The following THSD7B variants were observed in gnomAD, a reference collection of about 807,000 sequenced individuals.
The protein encoded by THSD7B is thrombospondin type-1 domain-containing protein 7B.
THSD7B carries 138 observed loss-of-function variants against 213.6 expected under a neutral mutation model. That is an observed-to-expected ratio of 0.65 (90% CI 0.56 to 0.74). THSD7B has a LOEUF of 0.74. THSD7B is among the 30% of genes least tolerant of loss of function. The pLI is 0.00. For missense variants in THSD7B, 1,931 were observed against 1,991.5 expected (o/e 0.97, Z 0.58); for synonymous variants, 742 against 687.0 (o/e 1.08, Z -1.25).
At chr2:136,812,850 G>A (rs919192442) in intron 1 of THSD7B, among the ~76,000 whole-genome samples, 6 of 152,094 alleles carry the variant, frequency 3.9e-5, no homozygotes, top group Non-Finnish European at 7.4e-5. Flanking sequence ...ATCTAATTCA[G>A]GATACCATTG....
chr2:137,203,370 A>T (rs1343994348), intron 7 of THSD7B, among the ~76,000 whole-genome samples: 1 of 152,058 alleles, frequency 6.6e-6, no homozygotes, highest in South Asian at 2.1e-4. Context: ...TGGAATTGGC[A>T]TGGGTGTTAG....
chr2:137,563,111 C>T (rs1681156461), intron 15 of THSD7B, 110 bp from the exon 16 acceptor site: 3 of 1,204,260 alleles, frequency 2.5e-6, no homozygotes, highest in South Asian at 3.7e-5. Context: ...GCTGTTTGGG[C>T]CAGAGTGCAG....
rs181636577 is a variant in THSD7B at position 137,583,095 on chromosome 2, G to C, written c.3423+10539G>C. Among the ~76,000 whole-genome samples, 30 of 152,342 alleles carry C rather than the reference G, an allele frequency of 2.0e-4. No individual in the cohort carries two copies. The East Asian group carries it at 5.4e-3, about 27-fold the overall frequency. On this transcript the variant is annotated intron_variant, in intron 17 of 27. Transcript: ENST00000409968. ...TTGCATTTCTCTGATGGCCAGGGAT[G>C]ATGAGCATTTTTTCATGTGTCTGTT...
chr2:137,253,010 A>G lies in THSD7B; in HGVS notation c.2266+10438A>G, dbSNP rs188708410. 3.9e-4 allele frequency among the ~76,000 whole-genome samples: 59 copies of G among 150,646 alleles called. No homozygotes were observed. The East Asian group carries it at 0.01, about 26-fold the overall frequency. ...ATATAGAAAAGGAAAATGAAGCTCC[A>G]GAGAATAGAAATGCAGTAGAATAAC... On this transcript the variant is annotated intron_variant, in intron 10 of 27. Transcript: ENST00000409968.
intron 15 of THSD7B, among the ~76,000 whole-genome samples, chr2:137,532,489 T>C (rs1162985286): frequency 1.3e-5 from 2 of 151,852 alleles, no homozygotes; most frequent in Admixed American, 1.3e-4. Flanking sequence ...TAATTTAGAT[T>C]TAATTTGATG....
intron 3 of THSD7B, among the ~76,000 whole-genome samples, 173 bp from the exon 4 acceptor site, chr2:137,094,688 ATAAACATTCTTC>A (rs1489599333): frequency 1.3e-5 from 2 of 152,208 alleles, no homozygotes; most frequent in Non-Finnish European, 2.9e-5. Flanking sequence ...TTCAGAAGAA[ATAAACATTCTTC>A]AAATGTTACA....
intron 2 of THSD7B, among the ~76,000 whole-genome samples, chr2:136,975,900 A>G (rs1685472501): frequency 6.6e-6 from 1 of 152,064 alleles, no homozygotes; most frequent in African/African-American, 2.4e-5. Flanking sequence ...GAGGTCCTTC[A>G]CTTCCCTTGT....
At chr2:136,826,157 T>C (rs1418393432) in intron 1 of THSD7B, among the ~76,000 whole-genome samples, 3 of 83,988 alleles carry the variant, frequency 3.6e-5, no homozygotes, top group Non-Finnish European at 5.2e-5. Context: ...CCTTCCAAAA[T>C]ATAAAATAGT....
At chr2:137,583,286 G>A (rs963902182) in intron 17 of THSD7B, among the ~76,000 whole-genome samples, 7 of 152,092 alleles carry the variant, frequency 4.6e-5, no homozygotes, top group African/African-American at 1.7e-4. Context: ...CATTCTGTAG[G>A]TTGCCTGTTC....
At chr2:136,896,956 A>T (rs186224451) in intron 2 of THSD7B, among the ~76,000 whole-genome samples, 8,120 of 150,230 alleles carry the variant, frequency 0.054, 385 homozygotes, top group Middle Eastern at 0.089. Flanking sequence ...ATATATATAT[A>T]TTTTTTTAAG....
chr2:137,024,272 C>T (rs1218201489), intron 2 of THSD7B, among the ~76,000 whole-genome samples: 1 of 152,128 alleles, frequency 6.6e-6, no homozygotes, highest in African/African-American at 2.4e-5. Flanking sequence ...GGAGAAGAAG[C>T]TTTGCATATG....
In THSD7B at chr2:137,068,742, C is replaced by T. The variant is rs140225403; in HGVS notation, c.950+11512C>T. Among the ~76,000 whole-genome samples, 295 of 152,186 alleles carry T rather than the reference C, an allele frequency of 1.9e-3. 1 individual carries two copies. The highest frequency in any genetic ancestry group is 6.5e-3 in the African/African-American group (271 of 41,566). On this transcript the variant is annotated intron_variant, in intron 3 of 27. Transcript: ENST00000409968. ...TTTACTCTGTTCATATGCCTAACTT[C>T]GGATCTGTTTCCTTTTGGTAGTATC...
rs879701692 is a variant in THSD7B, at chr2:136,983,383, A to ACT, written c.140-73024_140-73023dup. 4.8e-4 allele frequency among the ~76,000 whole-genome samples: 71 copies of ACT among 147,706 alleles called. 1 individual carries two copies. The highest frequency in any genetic ancestry group is 3.2e-3 in the Admixed American group (48 of 14,824). Reference sequence around the variant, plus strand: ...GACACACACACACGCACACACACTCACTCTCTCTCTCTCTGTCTGACTTAG... The same window carrying ACT: ...GACACACACACACGCACACACACTCACTCTCTCTCTCTCTCTGTCTGACTTAG... On this transcript the variant is annotated intron_variant, in intron 2 of 27. Coordinates refer to ENST00000409968, the MANE Select transcript of THSD7B (RefSeq NM_001316349.2).
intron 12 of THSD7B, among the ~76,000 whole-genome samples, chr2:137,288,135 T>C (rs1311610037): frequency 1.3e-5 from 2 of 152,052 alleles, no homozygotes; most frequent in East Asian, 1.9e-4. Flanking sequence ...ACAGAAGGAC[T>C]AACACTCTTT....
At chr2:137,087,358 A>C (rs1431115639) in intron 3 of THSD7B, among the ~76,000 whole-genome samples, 2 of 152,202 alleles carry the variant, frequency 1.3e-5, no homozygotes, top group African/African-American at 4.8e-5. Context: ...AAATCAGAAA[A>C]GAGGAAGCCA....
chr2:137,274,538 T>C (rs1008086029), intron 11 of THSD7B, among the ~76,000 whole-genome samples: 2 of 152,192 alleles, frequency 1.3e-5, no homozygotes, highest in East Asian at 3.9e-4. Flanking sequence ...TCCTGACTTA[T>C]GCAGCCTGGG....
chr2:137,393,372 C>A (rs1456300328), intron 12 of THSD7B, among the ~76,000 whole-genome samples: 2 of 151,136 alleles, frequency 1.3e-5, no homozygotes, highest in Admixed American at 6.6e-5. Context: ...CATGTGATCT[C>A]ATTGTTCAAT....
chr2:137,177,956 A>C (rs112053027), intron 7 of THSD7B, among the ~76,000 whole-genome samples: 9 of 151,854 alleles, frequency 5.9e-5, no homozygotes, highest in South Asian at 2.1e-4. Flanking sequence ...CTGTAATCCC[A>C]GCTATTCGGG....
intron 16 of THSD7B, among the ~76,000 whole-genome samples, chr2:137,566,796 CAT>C (rs1343766980): frequency 1.3e-5 from 2 of 151,068 alleles, no homozygotes; most frequent in Admixed American, 6.6e-5. Flanking sequence ...AAAATGAACA[CAT>C]AAATTATATT....
Sources: gnomAD v4.1 joint callset for allele counts (sites outside exome capture counted in the v4.1 genomes callset) on GRCh38, gnomAD v4.1.1 for gene constraint, MANE v1.5 for transcripts, NCBI Gene and HGNC (gene_info 2026-07-23, HGNC 2026-07-21) for gene names.